The following GPN3 variants were observed in gnomAD, a reference collection of about 807,000 sequenced individuals.
The protein encoded by GPN3 is ATP-binding domain 1 family member C.
GPN3 carries 31 observed loss-of-function variants against 38.7 expected under a neutral mutation model. The observed-to-expected ratio is 0.80, with a 90% CI of 0.60 to 1.08. The LOEUF (loss-of-function observed/expected upper bound fraction) is 1.08, where lower values mean the gene tolerates loss of function less well. Ranked by LOEUF, GPN3 falls within the 50% of genes least tolerant of loss-of-function variation. The probability of loss-of-function intolerance (pLI) is 0.00; values close to 1 mark genes in which losing one functional copy is unlikely to be tolerated. For synonymous variants in GPN3, 116 were observed against 120.2 expected, an observed-to-expected ratio of 0.96 and a Z score of 0.23; for missense variants, 301 against 354.4, an observed-to-expected ratio of 0.85 and a Z score of 1.21.
At chr12:110,460,691 G>A (rs2062580476) in intron 2 of GPN3, among the ~76,000 whole-genome samples, 1 of 152,126 alleles carries the variant, frequency 6.6e-6, no homozygotes, top group Non-Finnish European at 1.5e-5. Context: ...ATTAGGCTGG[G>A]CATGGTGGCT....
chr12:110,459,433 G>C (rs377739545), intron 3 of GPN3, among the ~76,000 whole-genome samples: 1 of 151,950 alleles, frequency 6.6e-6, no homozygotes, highest in African/African-American at 2.4e-5. Flanking sequence ...GTAGAGACAG[G>C]GTTTCACCAT....
intron 1 of GPN3, among the ~76,000 whole-genome samples, chr12:110,467,542 G>C (rs2062642172): frequency 1.3e-5 from 2 of 152,120 alleles, no homozygotes; most frequent in Admixed American, 1.3e-4. Flanking sequence ...AAAAGACCTG[G>C]GGATTAAAGA....
intron 3 of GPN3, among the ~76,000 whole-genome samples, chr12:110,459,183 GTGCTC>G (rs2062569668): frequency 6.6e-6 from 1 of 152,040 alleles, no homozygotes; most frequent in African/African-American, 2.4e-5. Context: ...ATGGCCATCT[GTGCTC>G]TATGGTATTC....
chr12:110,455,971 G>T, intron 4 of GPN3, 41 bp from the exon 5 acceptor site: 1 of 1,028,000 alleles, frequency 9.7e-7, no homozygotes, highest in Non-Finnish European at 1.5e-6. Context: ...ACTGACTGTT[G>T]CCAACAGTTA....
chr12:110,468,636 T>G, upstream of GPN3: 1 of 1,537,164 alleles, frequency 6.5e-7, no homozygotes, highest in Non-Finnish European at 8.7e-7. Context: ...TTGGGGAGCA[T>G]GTATATTTCC....
At chr12:110,457,365 A>G in intron 4 of GPN3, 145 bp downstream of exon 4, 2 of 489,982 alleles carry the variant, frequency 4.1e-6, no homozygotes, top group Non-Finnish European at 6.7e-6. Flanking sequence ...AGGCACAAGA[A>G]TCACTTGAAC....
intron 2 of GPN3, among the ~76,000 whole-genome samples, chr12:110,464,208 C>T (rs1022307890): frequency 1.3e-5 from 2 of 152,062 alleles, no homozygotes; most frequent in Non-Finnish European, 2.9e-5. Flanking sequence ...TATTACCATC[C>T]TTCAGGTCTA....
Position 110,453,781 on chromosome 12 carries a change from T to C in GPN3, c.754A>G (p.Ile252Val), listed in dbSNP as rs371115970. Residue 252 changes from isoleucine to valine, a missense_variant, in exon 7 of 8, where the codon ATT becomes GTT. Transcript: ENST00000228827. ...NIVLQHIDFA[I>V]QYGEDLEFKE... ...AATTCTAGGTCTTCTCCATATTGAA[T>C]GGCAAAATCAATATGCTGCAATACA... 26 of 1,600,708 alleles carry C rather than the reference T, an allele frequency of 1.6e-5. No individual in the cohort carries two copies. Among genetic ancestry groups the C allele is most frequent in the Non-Finnish European group, 2.0e-5 (23 of 1,167,954 alleles).
At chr12:110,456,801 G>A (rs1031655996) in intron 4 of GPN3, among the ~76,000 whole-genome samples, 1 of 151,242 alleles carries the variant, frequency 6.6e-6, no homozygotes, top group African/African-American at 2.4e-5. Context: ...GTACTCAAGC[G>A]ATCCTCCCAC....
In GPN3 at chr12:110,458,547, G is replaced by A. The variant is rs2062565611; in HGVS notation, c.326-913C>T. On this transcript the variant is annotated intron_variant, in intron 3 of 7. Transcript: ENST00000228827. The surrounding 1 kb of genome is among the most constrained non-coding windows in gnomAD (Gnocchi z 4.4). ...CAGTAATCCCAGCATTTGGGAGGCC[G>A]AGGCAGGTGAATCACCTAAGGTCCA... Among the ~76,000 whole-genome samples the A allele has an allele frequency of 6.6e-6, 1 of 152,232 alleles. No individual in the cohort carries two copies. The highest frequency in any genetic ancestry group is 1.5e-5 in the Non-Finnish European group (1 of 68,008).
At chr12:110,454,016 T>C (rs962056760) in intron 6 of GPN3, 145 bp from the exon 7 acceptor site, 24 of 609,694 alleles carry the variant, frequency 3.9e-5, no homozygotes, top group African/African-American at 3.7e-4. Context: ...AAGGGATAGC[T>C]AGACACAGAG....
intron 4 of GPN3, among the ~76,000 whole-genome samples, chr12:110,457,056 C>T (rs1276306825): frequency 6.6e-6 from 1 of 151,790 alleles, no homozygotes; most frequent in African/African-American, 2.4e-5. Flanking sequence ...TAATAATTTA[C>T]TATTTTTGAT....
chr12:110,463,886 A>C (rs56273026), intron 2 of GPN3, among the ~76,000 whole-genome samples: 21,820 of 151,948 alleles, frequency 0.14, 2,159 homozygotes, highest in African/African-American at 0.28. Flanking sequence ...ATCCCATCTT[A>C]TCATGTCCTG....
In GPN3 at chr12:110,455,829, T is replaced by C. The variant is rs1217946729; in HGVS notation, c.552A>G (p.Lys184=). The change falls in exon 5 of 8, where the codon AAA becomes AAG. Residue 184 remains lysine, a synonymous_variant. Transcript: ENST00000228827. Reference sequence around the variant, plus strand: ...AGTGAACTCACTTCTCAATTTCCTTTTTTGCTTTTTTACTCAGCAGATCCA... The same window carrying C: ...AGTGAACTCACTTCTCAATTTCCTTCTTTGCTTTTTTACTCAGCAGATCCA... ...TKMDLLSKKA[K]KEIEKFLDPD... is the part of the protein sequence containing the mutation. 1 of 1,564,854 alleles carries C rather than the reference T, an allele frequency of 6.4e-7. No homozygotes were observed. The highest frequency in any genetic ancestry group is 8.8e-7 in the Non-Finnish European group (1 of 1,134,948).
intron 1 of GPN3, 96 bp from the exon 2 acceptor site, chr12:110,465,310 C>T: frequency 2.6e-6 from 2 of 760,276 alleles, no homozygotes; most frequent in Non-Finnish European, 2.4e-6. Context: ...AAAACTATGC[C>T]TTCATCAACC....
intron 2 of GPN3, among the ~76,000 whole-genome samples, chr12:110,463,896 G>A (rs778672512): frequency 5.9e-5 from 9 of 152,056 alleles, no homozygotes; most frequent in Admixed American, 2.0e-4. Context: ...ATCATGTCCT[G>A]TTAGCCCCTA....
At position 110,465,101 on chromosome 12, in the gene GPN3, C is replaced by T. The variant is rs1287066682; in HGVS notation, c.157+5G>A. On this transcript the variant is annotated splice_donor_5th_base_variant and intron_variant, in intron 2 of 7. Transcript: ENST00000228827. Reference sequence around the variant, plus strand: ...AGGTGGGGGGAGCCTTTGCTCAGGACTTACCAGCCATCACGGAGTAGTTGA... The same window carrying T: ...AGGTGGGGGGAGCCTTTGCTCAGGATTTACCAGCCATCACGGAGTAGTTGA... 3 of 1,524,512 alleles carry T rather than the reference C, an allele frequency of 2.0e-6. No individual in the cohort carries two copies. Among genetic ancestry groups the T allele is most frequent in the Non-Finnish European group, 2.7e-6 (3 of 1,098,148 alleles). The allele number at this position is 1,524,512 out of a possible 1,614,324, so 94.4% of individuals were successfully genotyped here. A position where few individuals can be genotyped will look rare whatever the true frequency, so the allele number is the denominator to read the frequency against.
intron 4 of GPN3, 51 bp downstream of exon 4, chr12:110,457,457 CAA>C (rs56713819): frequency 0.072 from 42,198 of 584,602 alleles, 13 homozygotes; most frequent in East Asian, 0.1. Context: ...GTCACACACA[CAA>C]AAAAAAAAAA....
chr12:110,468,310 C>T, upstream of GPN3: 6 of 1,584,764 alleles, frequency 3.8e-6, no homozygotes, highest in South Asian at 4.5e-5. Context: ...TCTTTCTACG[C>T]CTCCAGTTCT....
Sources: allele counts gnomAD v4.1 joint callset (sites outside exome capture counted in the v4.1 genomes callset), GRCh38; gene constraint gnomAD v4.1.1; non-coding constraint Gnocchi (gnomAD v3.1); transcripts MANE v1.5; gene names NCBI Gene and HGNC (gene_info 2026-07-23, HGNC 2026-07-21).